The following GABBR1 variants were observed in gnomAD, a reference collection of about 807,000 sequenced individuals.
GABBR1 encodes the protein gamma-aminobutyric acid type B receptor subunit 1, also known as GABA-B receptor, R1 subunit.
GABBR1 carries 35 observed loss-of-function variants against 117.7 expected under a neutral mutation model. That is an observed-to-expected ratio of 0.30 (90% CI 0.23 to 0.39). GABBR1 has a LOEUF of 0.39. GABBR1 is among the 10% of genes least tolerant of loss of function. GABBR1 has a pLI of 1.00. For missense variants in GABBR1, 709 were observed against 1,241.8 expected, an observed-to-expected ratio of 0.57 and a Z score of 6.45; for synonymous variants, 442 against 486.6, an observed-to-expected ratio of 0.91 and a Z score of 1.21.
At chr6:29,628,966 G>C in intron 5 of GABBR1, 121 bp downstream of exon 5, 1 of 1,128,574 alleles carries the variant, frequency 8.9e-7, no homozygotes, top group South Asian at 1.3e-5. Flanking sequence ...AACTGGGGTG[G>C]GTTGGGGAAG....
Position 29,605,350 on chromosome 6 carries a change from A to T in GABBR1, c.2439+219T>A. ...CTGTTTCCTCACCTATAAAGTGGGG[A>T]TACTAATATCTACTTCACTGGGTAG... On this transcript the variant is annotated intron_variant, in intron 20 of 22. Transcript: ENST00000377034. This position sits in a 1 kb window ranked among gnomAD's most constrained non-coding sequence, Gnocchi z 4.2. 1.7e-6 allele frequency: 1 copy of T among 601,488 alleles called. No homozygotes were observed. Among genetic ancestry groups the T allele is most frequent in the Non-Finnish European group, 2.9e-6 (1 of 344,278 alleles). The allele number at this position is 601,488 out of a possible 1,614,324, so 37.3% of individuals were successfully genotyped here.
intron 13 of GABBR1, among the ~76,000 whole-genome samples, chr6:29,612,162 C>T (rs540357030): frequency 1.3e-5 from 2 of 151,688 alleles, no homozygotes; most frequent in Non-Finnish European, 2.9e-5. Flanking sequence ...CCACCACACC[C>T]AGCTAATTTT....
chr6:29,617,928 A>T (rs899837015), intron 11 of GABBR1, among the ~76,000 whole-genome samples: 1 of 152,230 alleles, frequency 6.6e-6, no homozygotes, highest in African/African-American at 2.4e-5. Context: ...ATCCTCAAAC[A>T]ATCCAATGAG....
chr6:29,624,902 G>T (rs28359983), intron 6 of GABBR1, among the ~76,000 whole-genome samples: 4 of 152,026 alleles, frequency 2.6e-5, no homozygotes, highest in Non-Finnish European at 5.9e-5. Flanking sequence ...GAACCCCAAT[G>T]CATGTGAAGA....
In GABBR1 at chr6:29,605,035, A is replaced by G. The variant is rs774684011; in HGVS notation, c.2440-47T>C. 1.9e-6 allele frequency: 3 copies of G among 1,559,322 alleles called. No homozygotes were observed. The highest frequency in any genetic ancestry group is 1.2e-5 in the South Asian group (1 of 81,252). On this transcript the variant is annotated intron_variant, in intron 20 of 22. Coordinates refer to ENST00000377034, the MANE Select transcript of GABBR1 (RefSeq NM_001470.4). This position sits in a 1 kb window ranked among gnomAD's most constrained non-coding sequence, Gnocchi z 4.2. ...GGGAGTCTCAGGTCTGCAGGCTCAG[A>G]CAAGATCCAGAGTTTACTTCCCATG...
In GABBR1 at chr6:29,614,981, C is replaced by CAAAAAAAAAAAAAAAAAA. The variant is rs202165362; in HGVS notation, c.1324-1514_1324-1497dup. Among the ~76,000 whole-genome samples the CAAAAAAAAAAAAAAAAAA allele has an allele frequency of 2.5e-5, 2 of 81,174 alleles. 1 individual carries two copies. The highest frequency in any genetic ancestry group is 4.4e-5 in the Non-Finnish European group (2 of 45,070). The allele number at this position is 81,174 out of a possible 152,430, so 53.3% of individuals were successfully genotyped here. A position where few individuals can be genotyped will look rare whatever the true frequency, so the allele number is the denominator to read the frequency against. ...ATTCTGCTGGGAAACTAAAACTGCT[C>CAAAAAAAAAAAAAAAAAA]AAAAAAAAAAAAAAAAAAAAAAGGC... On this transcript the variant is annotated intron_variant, in intron 11 of 22. Coordinates refer to ENST00000377034, the MANE Select transcript of GABBR1 (RefSeq NM_001470.4).
In GABBR1 at chr6:29,611,698, C is replaced by A. The variant is rs896799673; in HGVS notation, c.1631-697G>T. ...CAAGAAATAGCTCTCTTGGCCATGC[C>A]GTAAAAGACTGAGAGCCGAGTGGAG... On this transcript the variant is annotated intron_variant, in intron 13 of 22. Transcript: ENST00000377034. The surrounding 1 kb of genome is among the most constrained non-coding windows in gnomAD (Gnocchi z 4.6). 6.6e-6 allele frequency among the ~76,000 whole-genome samples: 1 copy of A among 152,080 alleles called. No homozygotes were observed.
In GABBR1 at chr6:29,632,398, CG is replaced by C; in HGVS notation, c.1-14del. On this transcript the variant is annotated splice_polypyrimidine_tract_variant and intron_variant, in intron 1 of 22. Transcript: ENST00000377034. The surrounding 1 kb of genome is among the most constrained non-coding windows in gnomAD (Gnocchi z 5.8). ...GCAGCAGCAACATCTAAGTGAGAGG[CG>C]GCCATGAGGACTGGACCGAGCCCCG... The C allele has an allele frequency of 7.5e-7, 1 of 1,334,976 alleles. No individual in the cohort carries two copies. The highest frequency in any genetic ancestry group is 9.6e-7 in the Non-Finnish European group (1 of 1,036,786). 82.7% of individuals were successfully genotyped at this position (1,334,976 alleles called of 1,614,324 possible). A position where few individuals can be genotyped will look rare whatever the true frequency, so the allele number is the denominator to read the frequency against.
At position 29,607,800 on chromosome 6, in the gene GABBR1, A is replaced by G. The variant is rs1425910073; in HGVS notation, c.1993-582T>C. On this transcript the variant is annotated intron_variant, in intron 16 of 22. Transcript: ENST00000377034. The surrounding 1 kb of genome is among the most constrained non-coding windows in gnomAD (Gnocchi z 5.0). Reference sequence around the variant, plus strand: ...GGTCCACCCAATCACGCCAGCAGTGAACTGTGTTCCCTTCTTTGCCCCCAA... The same window carrying G: ...GGTCCACCCAATCACGCCAGCAGTGGACTGTGTTCCCTTCTTTGCCCCCAA... 1.3e-5 allele frequency among the ~76,000 whole-genome samples: 2 copies of G among 152,218 alleles called. No individual in the cohort carries two copies. Among genetic ancestry groups the G allele is most frequent in the African/African-American group, 4.8e-5 (2 of 41,454 alleles).
intron 11 of GABBR1, among the ~76,000 whole-genome samples, chr6:29,619,303 T>C (rs1201421232): frequency 1.3e-5 from 2 of 152,232 alleles, no homozygotes; most frequent in East Asian, 3.8e-4. Context: ...TAATCTATAA[T>C]CTCTTTTGCC....
chr6:29,609,130 T>C lies in GABBR1; in HGVS notation c.1859+99A>G, dbSNP rs1418300492. On this transcript the variant is annotated intron_variant, in intron 15 of 22. Coordinates refer to ENST00000377034, the MANE Select transcript of GABBR1 (RefSeq NM_001470.4). The surrounding 1 kb of genome is among the most constrained non-coding windows in gnomAD (Gnocchi z 4.3). ...TCAGAATGAAAAACTCCATGATACA[T>C]GGCCATGGGAGTTACACAGGTTTTA... 1.3e-5 allele frequency: 15 copies of C among 1,169,466 alleles called. 1 individual carries two copies. In the South Asian group the frequency reaches 1.7e-4, roughly 13 times the overall value. 72.4% of individuals were successfully genotyped at this position (1,169,466 alleles called of 1,614,324 possible).
chr6:29,608,578 G>T (rs375396008), intron 16 of GABBR1, 23 bp downstream of exon 16: 6 of 1,610,026 alleles, frequency 3.7e-6, no homozygotes, highest in Non-Finnish European at 5.1e-6. Flanking sequence ...ATCCTGTAAG[G>T]AATTTGCCCA....
In GABBR1 at chr6:29,621,465, T is replaced by A. The variant is rs540283789; in HGVS notation, c.1132-173A>T. Among the ~76,000 whole-genome samples the A allele has an allele frequency of 8.4e-4, 128 of 152,286 alleles. 2 individuals carry two copies. The highest frequency in any genetic ancestry group is 2.9e-3 in the African/African-American group (121 of 41,552). On this transcript the variant is annotated intron_variant, in intron 10 of 22. Transcript: ENST00000377034. This position sits in a 1 kb window ranked among gnomAD's most constrained non-coding sequence, Gnocchi z 5.0. Reference sequence around the variant, plus strand: ...AGGCTGACAATTCTTCCTTCTAAGTTTCTCCCCAGCCCCTGTATTTCTGAG... The same window carrying A: ...AGGCTGACAATTCTTCCTTCTAAGTATCTCCCCAGCCCCTGTATTTCTGAG...
chr6:29,612,205 G>C (rs1276257753), intron 13 of GABBR1, among the ~76,000 whole-genome samples: 1 of 150,486 alleles, frequency 6.6e-6, no homozygotes, highest in Non-Finnish European at 1.5e-5. Context: ...GTAGAGACAG[G>C]TTTCACCATG....
Position 29,607,033 on chromosome 6 carries a change from CGT to C in GABBR1, c.2110-31_2110-30del. 6.2e-7 allele frequency: 1 copy of C among 1,611,304 alleles called. No homozygotes were observed. The highest frequency in any genetic ancestry group is 8.5e-7 in the Non-Finnish European group (1 of 1,177,432). ...GATAAATATGTGGGGAGAACAGGCA[CGT>C]CAGGGGAAAATGCTCTGTGCCCCAG... On this transcript the variant is annotated intron_variant, in intron 17 of 22. Transcript: ENST00000377034. This position sits in a 1 kb window ranked among gnomAD's most constrained non-coding sequence, Gnocchi z 5.0.
Position 29,608,697 on chromosome 6 carries a change from C to A in GABBR1, c.1896G>T (p.Leu632=), listed in dbSNP as rs750453732. 111 of 1,612,944 alleles carry A rather than the reference C, an allele frequency of 6.9e-5. No individual in the cohort carries two copies. The highest frequency in any genetic ancestry group is 8.3e-5 in the Admixed American group (5 of 60,010). ...IQNSQPNLNN[L]TAVGCSLALA... is the part of the protein sequence containing the mutation. ...AAGCCAGTGAGCAGCCCACAGCAGTCAGGTTGTTCAGGTTGGGCTGTGAGT... is the reference window on the plus strand; with the variant it reads ...AAGCCAGTGAGCAGCCCACAGCAGTAAGGTTGTTCAGGTTGGGCTGTGAGT... Residue 632 remains leucine, a synonymous_variant, in exon 16 of 23, where the codon CTG becomes CTT. Coordinates refer to ENST00000377034, the MANE Select transcript of GABBR1 (RefSeq NM_001470.4).
Position 29,632,505 on chromosome 6 carries a change from A to G in GABBR1, c.1-120T>C. 1.0e-6 allele frequency: 1 copy of G among 997,450 alleles called. No individual in the cohort carries two copies. Among genetic ancestry groups the G allele is most frequent in the Non-Finnish European group, 1.4e-6 (1 of 728,480 alleles). 61.8% of individuals were successfully genotyped at this position (997,450 alleles called of 1,614,324 possible). On this transcript the variant is annotated intron_variant, in intron 1 of 22. Coordinates refer to ENST00000377034, the MANE Select transcript of GABBR1 (RefSeq NM_001470.4). The surrounding 1 kb of genome is among the most constrained non-coding windows in gnomAD (Gnocchi z 5.8). The stretch of plus-strand genomic sequence containing the variant: ...TCCGACCGGGCTCAGCCTGGGGACC[A>G]AGAGAGCGCCCCGCGGAGGAGGCGG...
chr6:29,621,888 A>C lies in GABBR1; in HGVS notation c.1066-71T>G, dbSNP rs898106415. 6.6e-6 allele frequency: 10 copies of C among 1,508,424 alleles called. No homozygotes were observed. In the South Asian group the frequency reaches 1.1e-4, roughly 17 times the overall value. The allele number at this position is 1,508,424 out of a possible 1,614,324, so 93.4% of individuals were successfully genotyped here. On this transcript the variant is annotated intron_variant, in intron 9 of 22. Coordinates refer to ENST00000377034, the MANE Select transcript of GABBR1 (RefSeq NM_001470.4). The surrounding 1 kb of genome is among the most constrained non-coding windows in gnomAD (Gnocchi z 5.0). ...CTGAGGGGCTAAGCCAGATGTCTTCACAGCTTTGATTTCCCATCCCAAAGT... is the reference window on the plus strand; with the variant it reads ...CTGAGGGGCTAAGCCAGATGTCTTCCCAGCTTTGATTTCCCATCCCAAAGT...
chr6:29,610,200 T>G (rs939361667), intron 14 of GABBR1, among the ~76,000 whole-genome samples: 1 of 152,204 alleles, frequency 6.6e-6, no homozygotes, highest in Non-Finnish European at 1.5e-5. Flanking sequence ...CTTTTATCAG[T>G]AGGTCCTTCC....
Sources: allele counts gnomAD v4.1 joint callset (sites outside exome capture counted in the v4.1 genomes callset), GRCh38; gene constraint gnomAD v4.1.1; non-coding constraint Gnocchi (gnomAD v3.1); transcripts MANE v1.5; gene names NCBI Gene and HGNC (gene_info 2026-07-23, HGNC 2026-07-21).